The following FER variants were observed in gnomAD, a reference collection of about 807,000 sequenced individuals.
The protein encoded by FER is FER tyrosine kinase, also known as tyrosine-protein kinase Fer.
A neutral mutation model predicts 111.0 loss-of-function variants in FER; 63 were observed. The ratio of observed to expected loss-of-function variants is 0.57; its 90% CI spans 0.46 to 0.70. The LOEUF is 0.70. FER is among the 30% of genes least tolerant of loss of function. The pLI is 0.00. For missense variants in FER, 914 were observed against 954.0 expected (o/e 0.96, Z 0.55); for synonymous variants, 327 against 313.9 (o/e 1.04, Z -0.44).
At position 109,164,214 on chromosome 5, in the gene FER, C is replaced by T. The variant is rs151328664; in HGVS notation, c.2049-16533C>T. Among the ~76,000 whole-genome samples the T allele has an allele frequency of 6.6e-4, 100 of 152,250 alleles. 1 individual carries two copies. The highest frequency in any genetic ancestry group is 2.4e-3 in the African/African-American group (98 of 41,560). ...GAGCAGTGAAGCAGACACAACTTCC[C>T]CAAAATGACATCAGTGCCTTTTTAA... On this transcript the variant is annotated intron_variant, in intron 17 of 19. Transcript: ENST00000281092.
At chr5:108,858,293 GCTAGAATA>G (rs1763189524) in intron 5 of FER, among the ~76,000 whole-genome samples, 1 of 152,122 alleles carries the variant, frequency 6.6e-6, no homozygotes, top group Non-Finnish European at 1.5e-5. Context: ...TTGCTCAAAT[GCTAGAATA>G]CACAGAAAGT....
At chr5:109,081,585 A>C (rs74358994) in intron 16 of FER, among the ~76,000 whole-genome samples, 16,562 of 152,034 alleles carry the variant, frequency 0.11, 924 homozygotes, top group Non-Finnish European at 0.13. Context: ...GGATATTCTC[A>C]GTATTATATT....
chr5:108,979,829 G>C (rs1393684507), intron 13 of FER, among the ~76,000 whole-genome samples: 1 of 152,014 alleles, frequency 6.6e-6, no homozygotes, highest in Non-Finnish European at 1.5e-5. Flanking sequence ...AATACAAGTT[G>C]AATAATTACC....
intron 13 of FER, among the ~76,000 whole-genome samples, chr5:108,996,777 A>G (rs1260068370): frequency 6.6e-6 from 1 of 152,098 alleles, no homozygotes; most frequent in Non-Finnish European, 1.5e-5. Context: ...AATTTAAAGT[A>G]GTTTTTTCCA....
At chr5:109,044,183 T>C (rs1422055474) in intron 14 of FER, among the ~76,000 whole-genome samples, 2 of 117,442 alleles carry the variant, frequency 1.7e-5, no homozygotes, top group Non-Finnish European at 3.5e-5. Context: ...AAATCAGGCC[T>C]TTTTTTTTTT....
chr5:108,856,539 C>G (rs1561520547), intron 5 of FER, among the ~76,000 whole-genome samples: 1 of 152,122 alleles, frequency 6.6e-6, no homozygotes, highest in Non-Finnish European at 1.5e-5. Context: ...ATGATGATCT[C>G]TACATTTTTG....
chr5:109,082,966 C>A (rs1398465635), intron 16 of FER, among the ~76,000 whole-genome samples: 1 of 150,314 alleles, frequency 6.7e-6, no homozygotes, highest in Non-Finnish European at 1.5e-5. Flanking sequence ...CTGTTCTGAA[C>A]CCCCCAAAAA....
chr5:109,142,240 A>G (rs1753602788), intron 17 of FER, among the ~76,000 whole-genome samples: 1 of 152,218 alleles, frequency 6.6e-6, no homozygotes, highest in Non-Finnish European at 1.5e-5. Context: ...TGTGAGTTAC[A>G]AAGAGATTTA....
rs555175022 is a variant in FER, at chr5:109,128,171, C to T, written c.2048+27652C>T. Among the ~76,000 whole-genome samples, 4 of 151,970 alleles carry T rather than the reference C, an allele frequency of 2.6e-5. No individual in the cohort carries two copies. The South Asian group carries it at 8.3e-4, about 32-fold the overall frequency. On this transcript the variant is annotated intron_variant, in intron 17 of 19. Coordinates refer to ENST00000281092, the MANE Select transcript of FER (RefSeq NM_005246.4). ...AAATATATTTTCCTACCCTCTCCTTCCTTACCCAGTGATTGATCACACAAG... is the reference window on the plus strand; with the variant it reads ...AAATATATTTTCCTACCCTCTCCTTTCTTACCCAGTGATTGATCACACAAG...
intron 9 of FER, among the ~76,000 whole-genome samples, chr5:108,888,725 A>AT (rs912517225): frequency 6.6e-6 from 1 of 151,956 alleles, no homozygotes; most frequent in Admixed American, 6.6e-5. Context: ...CCAGCAATAC[A>AT]TTTTTTTCAA....
At chr5:109,111,044 T>G (rs1749551818) in intron 17 of FER, among the ~76,000 whole-genome samples, 1 of 152,136 alleles carries the variant, frequency 6.6e-6, no homozygotes, top group African/African-American at 2.4e-5. Context: ...TTAGCTACAG[T>G]TTTTTATATT....
In FER at chr5:108,954,791, A is replaced by G; in HGVS notation, c.1392A>G (p.Ala464=). Residue 464 remains alanine (A), a synonymous_variant, in exon 12 of 20, where the codon GCA becomes GCG. Coordinates refer to ENST00000281092, the MANE Select transcript of FER (RefSeq NM_005246.4). ...PLAEQDWYHG[A]IPRIEAQELL... is the part of the protein sequence containing the mutation. Reference sequence around the variant, plus strand: ...CAGAACAGGACTGGTACCATGGTGCAATTCCCAGAATAGAAGCTCAAGAAC... The same window carrying G: ...CAGAACAGGACTGGTACCATGGTGCGATTCCCAGAATAGAAGCTCAAGAAC... 1 of 1,612,416 alleles carries G rather than the reference A, an allele frequency of 6.2e-7. No homozygotes were observed. Among genetic ancestry groups the G allele is most frequent in the Non-Finnish European group, 8.5e-7 (1 of 1,179,098 alleles).
chr5:108,811,169 G>A (rs1213282632), intron 3 of FER, among the ~76,000 whole-genome samples: 1 of 151,884 alleles, frequency 6.6e-6, no homozygotes, highest in Non-Finnish European at 1.5e-5. Flanking sequence ...ATCTGCCTAG[G>A]TGTGAAGTGG....
At chr5:108,924,512 T>TACTTG in intron 10 of FER, 1 of 927,300 alleles carries the variant, frequency 1.1e-6, no homozygotes, top group Non-Finnish European at 1.4e-6. Flanking sequence ...CTGACTAGTA[T>TACTTG]ACTTCCATGC....
At chr5:108,895,905 C>G (rs1749019294) in intron 9 of FER, among the ~76,000 whole-genome samples, 1 of 151,956 alleles carries the variant, frequency 6.6e-6, no homozygotes, top group Admixed American at 6.6e-5. Context: ...TTTCATTTTG[C>G]AAAGTTTATT....
intron 16 of FER, among the ~76,000 whole-genome samples, chr5:109,080,770 T>A (rs556259333): frequency 1.2e-4 from 19 of 152,234 alleles, no homozygotes; most frequent in African/African-American, 4.1e-4. Context: ...TAAAACATTA[T>A]TCTCAGATTG....
chr5:108,960,197 A>G (rs1194583341), intron 13 of FER, among the ~76,000 whole-genome samples: 1 of 152,158 alleles, frequency 6.6e-6, no homozygotes, highest in Admixed American at 6.5e-5. Context: ...GCCAGTTCCA[A>G]GAATGCTGGT....
intron 17 of FER, among the ~76,000 whole-genome samples, chr5:109,116,985 A>C (rs17450455): frequency 0.14 from 20,730 of 152,102 alleles, 1,859 homozygotes; most frequent in Non-Finnish European, 0.2. Flanking sequence ...TATGTGTCAG[A>C]ATTTTGGAAG....
At chr5:109,144,557 C>T (rs1753868375) in intron 17 of FER, among the ~76,000 whole-genome samples, 1 of 152,146 alleles carries the variant, frequency 6.6e-6, no homozygotes, top group Non-Finnish European at 1.5e-5. Context: ...GATTCTCATT[C>T]CGATCTTTAA....
Sources: gnomAD v4.1 joint callset for allele counts (sites outside exome capture counted in the v4.1 genomes callset) on GRCh38, gnomAD v4.1.1 for gene constraint, MANE v1.5 for transcripts, NCBI Gene and HGNC (gene_info 2026-07-23, HGNC 2026-07-21) for gene names.